Variants in SLC2A14 observed in about 807,000 individuals in gnomAD.
SLC2A14 encodes the protein solute carrier family 2, facilitated glucose transporter member 14.
In SLC2A14, 13 loss-of-function variants were observed where a neutral mutation model predicts 43.0. That is an observed-to-expected ratio of 0.30 (90% CI 0.20 to 0.48). SLC2A14 has a LOEUF of 0.48. SLC2A14 is among the 20% of genes least tolerant of loss of function. The pLI is 0.99. For synonymous variants in SLC2A14, 190 were observed against 233.8 expected (o/e 0.81, Z 1.71); for missense variants, 428 against 620.4 (o/e 0.69, Z 3.29).
rs557069415 is a variant in SLC2A14, at chr12:7,837,638, CAAAAA to C, written c.19-4829_19-4825del. Among the ~76,000 whole-genome samples, 6 of 52,892 alleles carry C rather than the reference CAAAAA, an allele frequency of 1.1e-4. 1 individual carries two copies. The highest frequency in any genetic ancestry group is 6.8e-4 in the East Asian group (1 of 1,464). The allele number at this position is 52,892 out of a possible 152,430, so 34.7% of individuals were successfully genotyped here. ...GGGCAACAAGAGTGAAACTTCGTCTCAAAAAAAAAAAAAAAAAAGATGGTTCACAT... is the reference window on the plus strand; with the variant it reads ...GGGCAACAAGAGTGAAACTTCGTCTCAAAAAAAAAAAAAGATGGTTCACAT... On this transcript the variant is annotated intron_variant, in intron 2 of 10. Coordinates refer to ENST00000431042, the MANE Select transcript of SLC2A14 (RefSeq NM_001286234.2).
At chr12:7,874,934 T>TA (rs1565585127), upstream of SLC2A14, among the ~76,000 whole-genome samples, 87 of 18,500 alleles carry the variant, frequency 4.7e-3, 5 homozygotes, top group African/African-American at 0.016. Context: ...TATTTATATA[T>TA]AATTTATATA....
intron 2 of SLC2A14, among the ~76,000 whole-genome samples, chr12:7,852,940 T>C (rs1236421534): frequency 6.6e-6 from 1 of 152,168 alleles, no homozygotes; most frequent in Non-Finnish European, 1.5e-5. Context: ...GCACAACTCA[T>C]AGAAAGGCTT....
chr12:7,879,194 C>A (rs1238997737), intron 1 of SLC2A14, among the ~76,000 whole-genome samples: 1 of 151,504 alleles, frequency 6.6e-6, no homozygotes, highest in Non-Finnish European at 1.5e-5. Context: ...TTAGCTTTTA[C>A]TTTTCTTGGA....
At chr12:7,853,429 CAAAAAA>C (rs35414391) in intron 2 of SLC2A14, among the ~76,000 whole-genome samples, 1,357 of 84,622 alleles carry the variant, frequency 0.016, 25 homozygotes, top group African/African-American at 0.057. Context: ...GACTCCATTT[CAAAAAA>C]AAAAAAAAAA....
At chr12:7,825,428 C>G (rs1244987405) in intron 7 of SLC2A14, among the ~76,000 whole-genome samples, 4 of 134,870 alleles carry the variant, frequency 3.0e-5, no homozygotes, top group Admixed American at 1.7e-4. Context: ...CTACTGCACT[C>G]TAGCCTGGGC....
At chr12:7,836,592 G>C (rs1261734309) in intron 2 of SLC2A14, among the ~76,000 whole-genome samples, 1 of 152,124 alleles carries the variant, frequency 6.6e-6, no homozygotes, top group Non-Finnish European at 1.5e-5. Flanking sequence ...CACTTTGGGA[G>C]GCTGAGGAGG....
intron 2 of SLC2A14, chr12:7,850,881 C>T (rs746190247): frequency 2.6e-5 from 4 of 152,156 alleles, no homozygotes; most frequent in Admixed American, 1.3e-4. Context: ...TTGTGTTCCA[C>T]ATACATCAAA....
rs1944377201 is a variant in SLC2A14, at chr12:7,858,550, A to G, written c.18+11313T>C. On this transcript the variant is annotated intron_variant, in intron 2 of 10. Transcript: ENST00000431042. ...GTTTCGCTCCTATTGCCAAGGCTGG[A>G]GTGCAATGGCATGACCTCAGCTCAC... Among the ~76,000 whole-genome samples, 3 of 151,894 alleles carry G rather than the reference A, an allele frequency of 2.0e-5. No homozygotes were observed. The South Asian group carries it at 6.3e-4, about 32-fold the overall frequency.
At chr12:7,847,572 T>A (rs926461176) in intron 2 of SLC2A14, among the ~76,000 whole-genome samples, 8 of 152,112 alleles carry the variant, frequency 5.3e-5, no homozygotes, top group East Asian at 1.9e-4. Context: ...CTTAGGGTTT[T>A]GTGTAACTTG....
chr12:7,837,325 A>C (rs1247536033), intron 2 of SLC2A14, among the ~76,000 whole-genome samples: 1 of 152,188 alleles, frequency 6.6e-6, no homozygotes, highest in Non-Finnish European at 1.5e-5. Flanking sequence ...AACTGTAATA[A>C]AATAAATGTA....
At chr12:7,817,777 T>TAGATAGATAGATAGAC (rs1312151797) in intron 10 of SLC2A14, 54 bp downstream of exon 10, 212 of 1,587,268 alleles carry the variant, frequency 1.3e-4, no homozygotes, top group African/African-American at 3.8e-4. Flanking sequence ...GATAGATAGA[T>TAGATAGATAGATAGAC]AGACAGATAC....
intron 2 of SLC2A14, among the ~76,000 whole-genome samples, chr12:7,841,943 T>TGTA (rs1865984273): frequency 6.6e-6 from 1 of 151,240 alleles, no homozygotes; most frequent in Non-Finnish European, 1.5e-5. Context: ...AGGCAGAGGT[T>TGTA]ACAGTGAGCC....
At chr12:7,828,164 C>A (rs1002411510) in intron 6 of SLC2A14, among the ~76,000 whole-genome samples, 8 of 152,042 alleles carry the variant, frequency 5.3e-5, no homozygotes, top group Non-Finnish European at 8.8e-5. Flanking sequence ...GAGTTTGAGA[C>A]CAGCCTGGTC....
At chr12:7,869,156 A>C (rs200327752) in intron 2 of SLC2A14, among the ~76,000 whole-genome samples, 1 of 151,122 alleles carries the variant, frequency 6.6e-6, no homozygotes, top group Admixed American at 6.6e-5. Flanking sequence ...AAAAAAAAAA[A>C]AACAGTGTTG....
At chr12:7,826,098 C>T (rs1012053512) in intron 7 of SLC2A14, among the ~76,000 whole-genome samples, 3 of 151,938 alleles carry the variant, frequency 2.0e-5, no homozygotes, top group Non-Finnish European at 2.9e-5. Context: ...TGGAAAGTCT[C>T]GGGAGCACAT....
At chr12:7,832,988 A>G (rs1865160377) in intron 2 of SLC2A14, among the ~76,000 whole-genome samples, 174 bp from the exon 3 acceptor site, 1 of 152,230 alleles carries the variant, frequency 6.6e-6, no homozygotes, top group Admixed American at 6.5e-5. Flanking sequence ...AATAGATTAT[A>G]CTAAAGAACT....
chr12:7,864,813 A>C (rs1944819722), intron 2 of SLC2A14, among the ~76,000 whole-genome samples: 1 of 152,118 alleles, frequency 6.6e-6, no homozygotes, highest in Non-Finnish European at 1.5e-5. Context: ...CCCAGGCTCT[A>C]ATCAGATAAG....
upstream of SLC2A14, among the ~76,000 whole-genome samples, chr12:7,876,301 A>AAAAAAAAAG: frequency 6.6e-6 from 1 of 150,382 alleles, no homozygotes; most frequent in Admixed American, 6.7e-5. Context: ...AAAAAAAAAA[A>AAAAAAAAAG]AAAGAGAGAC....
At chr12:7,860,098 G>A (rs1246499296) in intron 2 of SLC2A14, among the ~76,000 whole-genome samples, 2 of 152,138 alleles carry the variant, frequency 1.3e-5, no homozygotes, top group Non-Finnish European at 2.9e-5. Context: ...CTGGTTAGCA[G>A]TTGGCCACCA....
Sources: allele counts gnomAD v4.1 joint callset (sites outside exome capture counted in the v4.1 genomes callset), GRCh38; gene constraint gnomAD v4.1.1; transcripts MANE v1.5; gene names NCBI Gene and HGNC (gene_info 2026-07-23, HGNC 2026-07-21).